Variants in CHFR observed in about 807,000 individuals in gnomAD.
CHFR encodes the protein E3 ubiquitin-protein ligase CHFR.
A neutral mutation model predicts 87.6 loss-of-function variants in CHFR; 57 were observed. The observed-to-expected ratio is 0.65, with a 90% CI of 0.53 to 0.81. The LOEUF (loss-of-function observed/expected upper bound fraction) is 0.81, where lower values mean the gene tolerates loss of function less well. CHFR is among the 30% of genes least tolerant of loss of function. The pLI, the probability that CHFR is intolerant of heterozygous loss-of-function variation, is 0.00. For missense variants in CHFR, 797 were observed against 865.8 expected (o/e 0.92, Z 1.00); for synonymous variants, 381 against 359.2 (o/e 1.06, Z -0.69).
Position 132,841,361 on chromosome 12 carries a change from C to T in CHFR, c.*193G>A, listed in dbSNP as rs576945941. On this transcript the variant is annotated 3_prime_UTR_variant, in exon 18 of 18. Coordinates refer to ENST00000450056, the MANE Select transcript of CHFR (RefSeq NM_001161346.2). ...CGCTCACCAGGAGGGCGGGCTGCGGCCCCCGGGGCTCTGGGGAGGGTCTCA... is the reference window on the plus strand; with the variant it reads ...CGCTCACCAGGAGGGCGGGCTGCGGTCCCCGGGGCTCTGGGGAGGGTCTCA... 3.5e-6 allele frequency: 2 copies of T among 573,228 alleles called. No individual in the cohort carries two copies. The highest frequency in any genetic ancestry group is 6.2e-6 in the Non-Finnish European group (2 of 323,058). The allele number at this position is 573,228 out of a possible 1,614,324, so 35.5% of individuals were successfully genotyped here.
intron 15 of CHFR, among the ~76,000 whole-genome samples, chr12:132,844,394 C>A (rs1593443459): frequency 6.6e-6 from 1 of 152,088 alleles, no homozygotes; most frequent in South Asian, 2.1e-4. Context: ...ACGCCATTCT[C>A]CTGCCTCAGC....
intron 7 of CHFR, 75 bp downstream of exon 7, chr12:132,861,392 C>A (rs971585417): frequency 1.4e-6 from 2 of 1,463,166 alleles, no homozygotes; most frequent in African/African-American, 1.4e-5. Context: ...CCCCACAGCA[C>A]GGAGCATGGC....
At chr12:132,869,860 G>C in intron 5 of CHFR, 62 bp from the exon 6 acceptor site, 1 of 1,529,864 alleles carries the variant, frequency 6.5e-7, no homozygotes, top group Admixed American at 2.0e-5. Context: ...AGCAGAAGCA[G>C]CACACAACCA....
chr12:132,847,488 T>C, intron 14 of CHFR: 1 of 1,103,442 alleles, frequency 9.1e-7, no homozygotes, highest in Non-Finnish European at 1.1e-6. Context: ...ACTTGGCATC[T>C]GTTCTCTGTG....
In CHFR at chr12:132,853,507, G is replaced by C; in HGVS notation, c.1296C>G (p.Cys432Trp). Residue 432 changes from cysteine to tryptophan, a missense_variant, in exon 11 of 18, where the codon TGC (cysteine) becomes TGG (tryptophan). Transcript: ENST00000450056. Reference sequence around the variant, plus strand: ...CTCCTGGCTCGCCCTCGGGTGCTGGGCAGTGGGGAGGCTGCGCCGCCTGCC... The same window carrying C: ...CTCCTGGCTCGCCCTCGGGTGCTGGCCAGTGGGGAGGCTGCGCCGCCTGCC... ...YRRQAAQPPH[C>W]PAPEGEPGAP... 1 of 1,534,420 alleles carries C rather than the reference G, an allele frequency of 6.5e-7. No individual in the cohort carries two copies. The highest frequency in any genetic ancestry group is 8.7e-7 in the Non-Finnish European group (1 of 1,144,824).
chr12:132,861,405 C>A (rs1327210879), intron 7 of CHFR, 62 bp downstream of exon 7: 24 of 1,527,998 alleles, frequency 1.6e-5, no homozygotes, highest in African/African-American at 2.7e-5. Flanking sequence ...AGCATGGCAG[C>A]GGCCCCCGCA....
At chr12:132,869,260 T>G (rs12824499) in intron 6 of CHFR, among the ~76,000 whole-genome samples, 28 of 133,596 alleles carry the variant, frequency 2.1e-4, no homozygotes, top group African/African-American at 2.6e-4. Flanking sequence ...AGGGGACATG[T>G]GGAGTCACTG....
intron 3 of CHFR, among the ~76,000 whole-genome samples, chr12:132,875,898 G>A (rs1029859031): frequency 6.6e-6 from 1 of 152,142 alleles, no homozygotes; most frequent in Non-Finnish European, 1.5e-5. Flanking sequence ...AAGCTGGCCG[G>A]GCGCGATGGC....
At chr12:132,863,532 C>T (rs966428388) in intron 6 of CHFR, among the ~76,000 whole-genome samples, 1 of 151,800 alleles carries the variant, frequency 6.6e-6, no homozygotes, top group African/African-American at 2.4e-5. Context: ...ACAAAACAAA[C>T]AAACAAAAAA....
At chr12:132,850,964 CATATATAT>C (rs55826641) in intron 12 of CHFR, among the ~76,000 whole-genome samples, 15,394 of 135,556 alleles carry the variant, frequency 0.11, 956 homozygotes, top group Non-Finnish European at 0.15. Flanking sequence ...TATGTGTGTG[CATATATAT>C]ATATATATAT....
At chr12:132,875,112 C>A (rs1293869945) in intron 3 of CHFR, among the ~76,000 whole-genome samples, 3 of 152,284 alleles carry the variant, frequency 2.0e-5, no homozygotes, top group African/African-American at 7.2e-5. Flanking sequence ...CAGCACCCTG[C>A]CTTTCCCATT....
intron 15 of CHFR, 23 bp downstream of exon 15, chr12:132,847,020 C>T: frequency 6.4e-7 from 1 of 1,571,058 alleles, no homozygotes; most frequent in Non-Finnish European, 8.8e-7. Context: ...CGCCTTAGAG[C>T]AGGAGGCAAC....
At chr12:132,850,332 C>A (rs185310827) in intron 12 of CHFR, among the ~76,000 whole-genome samples, 2 of 152,172 alleles carry the variant, frequency 1.3e-5, no homozygotes, top group African/African-American at 4.8e-5. Context: ...ATAACGCCTA[C>A]GACCACTTCA....
rs1951073172 is a variant in CHFR, at chr12:132,856,487, T to C, written c.1210A>G (p.Ser404Gly). Reference protein sequence around the residue: ...EDLLELSDVDSESSDISQPYV... With the variant: ...EDLLELSDVDGESSDISQPYV... ...ATTTACCTAATGTCTGAGGACTCACTGTCAACGTCTGACAGCTCCAGCAGG... is the reference window on the plus strand; with the variant it reads ...ATTTACCTAATGTCTGAGGACTCACCGTCAACGTCTGACAGCTCCAGCAGG... The change falls in exon 10 of 18, where the codon AGT (serine) becomes GGT (glycine). Residue 404 changes from serine (S) to glycine (G), a missense_variant. Physicochemically the swap from Ser to Gly is moderately conservative, Grantham distance 56. Around this residue, in one of 2 missense-constraint regions of CHFR, gnomAD observed 597 missense variants for 601.2 expected, o/e 0.99. Coordinates refer to ENST00000450056, the MANE Select transcript of CHFR (RefSeq NM_001161346.2). The C allele has an allele frequency of 1.2e-6, 2 of 1,614,050 alleles. No individual in the cohort carries two copies. Among genetic ancestry groups the C allele is most frequent in the African/African-American group, 2.7e-5 (2 of 74,938 alleles).
intron 6 of CHFR, among the ~76,000 whole-genome samples, chr12:132,863,654 G>A (rs981042261): frequency 6.6e-6 from 1 of 152,200 alleles, no homozygotes; most frequent in Admixed American, 6.5e-5. Context: ...ATAACGGGAA[G>A]GATACAGCAC....
At chr12:132,852,015 ACT>A (rs1427359029) in intron 11 of CHFR, among the ~76,000 whole-genome samples, 1 of 151,014 alleles carries the variant, frequency 6.6e-6, no homozygotes, top group Non-Finnish European at 1.5e-5. Flanking sequence ...ACAGAGTCTC[ACT>A]CTGTCGCTCA....
Position 132,836,881 on chromosome 12 carries a change from CAAAT to C in CHFR, c.*4669_*4672del, listed in dbSNP as rs971054293. The C allele has an allele frequency of 2.5e-5, 10 of 400,900 alleles. No individual in the cohort carries two copies. The highest frequency in any genetic ancestry group is 1.7e-4 in the African/African-American group (8 of 48,248). The allele number at this position is 400,900 out of a possible 1,614,324, so 24.8% of individuals were successfully genotyped here. A position where few individuals can be genotyped will look rare whatever the true frequency, so the allele number is the denominator to read the frequency against. ...CTGCCCTGGGGCCAAACATTTCAGACAAATAAACAACAGTGGGCAGACAGGCAAG... is the reference window on the plus strand; with the variant it reads ...CTGCCCTGGGGCCAAACATTTCAGACAAACAACAGTGGGCAGACAGGCAAG... On this transcript the variant is annotated 3_prime_UTR_variant, in exon 18 of 18. Coordinates refer to ENST00000450056, the MANE Select transcript of CHFR (RefSeq NM_001161346.2).
chr12:132,887,136 T>C (rs1385520626), intron 2 of CHFR, 60 bp downstream of exon 2: 2 of 1,385,402 alleles, frequency 1.4e-6, no homozygotes, highest in South Asian at 1.5e-5. Context: ...CCGTGTGGCC[T>C]GCCCGCAACC....
chr12:132,879,755 G>A (rs1951723380), intron 2 of CHFR, among the ~76,000 whole-genome samples: 1 of 152,228 alleles, frequency 6.6e-6, no homozygotes. Flanking sequence ...AAGAACAAAG[G>A]CGTTTTAATA....
Sources: gnomAD v4.1 joint callset for allele counts (sites outside exome capture counted in the v4.1 genomes callset) on GRCh38, gnomAD v4.1.1 for gene constraint, gnomAD v4.1.1 regional missense constraint, MANE v1.5 for transcripts, NCBI Gene and HGNC (gene_info 2026-07-23, HGNC 2026-07-21) for gene names.